Variants in WNT7A observed in about 807,000 individuals in gnomAD.
WNT7A encodes the protein protein Wnt-7a.
In WNT7A, 16 loss-of-function variants were observed where a neutral mutation model predicts 28.2. That is an observed-to-expected ratio of 0.57 (90% confidence interval 0.38 to 0.86). The LOEUF (loss-of-function observed/expected upper bound fraction) is 0.86, where lower values mean the gene tolerates loss of function less well. Ranked by LOEUF, WNT7A falls within the 40% of genes least tolerant of loss-of-function variation. The probability of loss-of-function intolerance (pLI) is 0.00; values close to 1 mark genes in which losing one functional copy is unlikely to be tolerated. For synonymous variants in WNT7A, 190 were observed against 195.9 expected, an observed-to-expected ratio of 0.97 and a Z score of 0.25; for missense variants, 411 against 489.7, an observed-to-expected ratio of 0.84 and a Z score of 1.52.
chr3:13,869,004 A>AAGAAAGAGAGAG (rs1367592280), intron 2 of WNT7A, among the ~76,000 whole-genome samples: 40 of 127,346 alleles, frequency 3.1e-4, no homozygotes, highest in Non-Finnish European at 5.9e-4. Context: ...GAAAGAGAGA[A>AAGAAAGAGAGAG]AGAAAGAGAG....
In WNT7A at chr3:13,819,411, T is replaced by A. The variant is rs377001613; in HGVS notation, c.583A>T (p.Asn195Tyr). ...NEAGRKILEE[N>Y]MKLECKCHGV... ...TGGCACTTACATTCCAGCTTCATGT[T>A]CTCCTCCAGGATCTGCAGGGGAGGG... The change falls in exon 4 of 4, where the codon AAC becomes TAC. Residue 195 changes from asparagine (N) to tyrosine (Y), a missense_variant. By Grantham distance (143) the Asn-to-Tyr change is moderately radical (BLOSUM62 -2). Transcript: ENST00000285018. 26 of 1,613,024 alleles carry A rather than the reference T, an allele frequency of 1.6e-5. No individual in the cohort carries two copies. Among genetic ancestry groups the A allele is most frequent in the Non-Finnish European group, 2.2e-5 (26 of 1,179,942 alleles).
intron 2 of WNT7A, among the ~76,000 whole-genome samples, chr3:13,869,482 GA>G: frequency 7.0e-6 from 1 of 142,560 alleles, no homozygotes; most frequent in South Asian, 2.3e-4. Context: ...AGGGAGGAGA[GA>G]GGGGAGGGAG....
intron 3 of WNT7A, among the ~76,000 whole-genome samples, chr3:13,831,966 G>A (rs560914103): frequency 6.6e-5 from 10 of 152,142 alleles, no homozygotes; most frequent in South Asian, 4.2e-4. Flanking sequence ...GGAGGTCAGC[G>A]GGCAGGCAGC....
At chr3:13,836,604 G>A (rs1202142118) in intron 3 of WNT7A, among the ~76,000 whole-genome samples, 4 of 152,210 alleles carry the variant, frequency 2.6e-5, no homozygotes, top group African/African-American at 7.2e-5. Flanking sequence ...TGCAGGGCCT[G>A]TGCTGGGTGC....
In WNT7A at chr3:13,880,000, G is replaced by A; in HGVS notation, c.-184C>T. 2.5e-6 allele frequency: 1 copy of A among 396,944 alleles called. No individual in the cohort carries two copies. Among genetic ancestry groups the A allele is most frequent in the South Asian group, 1.3e-4 (1 of 7,902 alleles). The allele number at this position is 396,944 out of a possible 1,614,324, so 24.6% of individuals were successfully genotyped here. A position where few individuals can be genotyped will look rare whatever the true frequency, so the allele number is the denominator to read the frequency against. The stretch of plus-strand genomic sequence containing the variant: ...GCCAGGAGCACGGGAGCCACGGAGC[G>A]GGAGGAGGGAGGGAGGAGCGAGCGC... On this transcript the variant is annotated 5_prime_UTR_variant, in exon 1 of 4. Transcript: ENST00000285018.
chr3:13,840,502 G>A (rs1694438642), intron 3 of WNT7A, among the ~76,000 whole-genome samples: 1 of 152,112 alleles, frequency 6.6e-6, no homozygotes, highest in Non-Finnish European at 1.5e-5. Flanking sequence ...CAGCTGATCT[G>A]GTGATCTCAC....
At chr3:13,838,154 G>T (rs562303595) in intron 3 of WNT7A, among the ~76,000 whole-genome samples, 4 of 103,992 alleles carry the variant, frequency 3.8e-5, no homozygotes, top group East Asian at 3.0e-4. Context: ...CAGAGCAGGT[G>T]GGGGGCATGG....
At chr3:13,825,910 T>C (rs2124830596) in intron 3 of WNT7A, among the ~76,000 whole-genome samples, 1 of 152,288 alleles carries the variant, frequency 6.6e-6, no homozygotes, top group South Asian at 2.1e-4. Context: ...GGAAACTCCA[T>C]CTCAGCCTCT....
At chr3:13,867,792 G>C (rs1249716109) in intron 2 of WNT7A, among the ~76,000 whole-genome samples, 1 of 152,232 alleles carries the variant, frequency 6.6e-6, no homozygotes, top group Non-Finnish European at 1.5e-5. Flanking sequence ...AAAGCATGAA[G>C]AGGTAACTCG....
At chr3:13,874,873 A>G (rs1575076415) in intron 2 of WNT7A, 74 bp downstream of exon 2, 6 of 1,489,268 alleles carry the variant, frequency 4.0e-6, no homozygotes, top group Non-Finnish European at 5.5e-6. Context: ...AGGGAGTTCC[A>G]GAGGGCACCT....
chr3:13,862,172 G>A (rs910881825), intron 2 of WNT7A, among the ~76,000 whole-genome samples: 6 of 152,206 alleles, frequency 3.9e-5, no homozygotes, highest in Non-Finnish European at 7.3e-5. Flanking sequence ...GTGGAATGAA[G>A]CCTCTATGGA....
At chr3:13,848,570 A>G (rs554824988) in intron 3 of WNT7A, among the ~76,000 whole-genome samples, 1 of 152,326 alleles carries the variant, frequency 6.6e-6, no homozygotes, top group East Asian at 1.9e-4. Flanking sequence ...AATTTTAAAA[A>G]CAGTGATGTC....
At chr3:13,879,585 G>T (rs1301976603) in intron 1 of WNT7A, among the ~76,000 whole-genome samples, 161 bp downstream of exon 1, 1 of 152,098 alleles carries the variant, frequency 6.6e-6, no homozygotes, top group East Asian at 1.9e-4. Context: ...GGTGTCCTGC[G>T]GGGGGCCTTT....
intron 3 of WNT7A, among the ~76,000 whole-genome samples, chr3:13,850,684 C>T (rs901130575): frequency 3.3e-5 from 5 of 152,186 alleles, no homozygotes; most frequent in African/African-American, 1.2e-4. Flanking sequence ...AGCCTCCACC[C>T]TCCCCCAGGC....
intron 2 of WNT7A, among the ~76,000 whole-genome samples, chr3:13,856,814 TGAAGAA>T (rs756795058): frequency 2.9e-5 from 4 of 140,074 alleles, no homozygotes; most frequent in African/African-American, 8.0e-5. Context: ...CGAAACTCCA[TGAAGAA>T]GAAGAAGATG....
At chr3:13,860,206 A>C (rs1262578499) in intron 2 of WNT7A, among the ~76,000 whole-genome samples, 2 of 152,038 alleles carry the variant, frequency 1.3e-5, no homozygotes, top group Non-Finnish European at 2.9e-5. Context: ...TTTACAGTTG[A>C]GGAAATGGAG....
chr3:13,874,948 C>T lies in WNT7A; in HGVS notation c.297G>A (p.Val99=). 1 of 1,613,932 alleles carries T rather than the reference C, an allele frequency of 6.2e-7. No individual in the cohort carries two copies. Among genetic ancestry groups the T allele is most frequent in the East Asian group, 2.2e-5 (1 of 44,882 alleles). Reference sequence around the variant, plus strand: ...GGGGGTGTTTGGGTGAGCACATACCCACTTTGAGCTCCTTCCCGAAGACGG... The same window carrying T: ...GGGGGTGTTTGGGTGAGCACATACCTACTTTGAGCTCCTTCCCGAAGACGG... ...ERTVFGKELK[V]GSREAAFTYA... Residue 99 remains valine, a splice_region_variant and synonymous_variant, in exon 2 of 4, where the codon GTG becomes GTA. Transcript: ENST00000285018.
intron 2 of WNT7A, among the ~76,000 whole-genome samples, chr3:13,857,080 G>A (rs994555611): frequency 6.6e-6 from 1 of 152,182 alleles, no homozygotes; most frequent in African/African-American, 2.4e-5. Flanking sequence ...GGGGAGCCAT[G>A]GGGCACAGGA....
intron 2 of WNT7A, among the ~76,000 whole-genome samples, chr3:13,858,620 G>C (rs141808701): frequency 0.011 from 1,669 of 152,222 alleles, 33 homozygotes; most frequent in African/African-American, 0.037. Flanking sequence ...CCAGAGTGAG[G>C]TCTCATCAAG....
Sources: gnomAD v4.1 joint callset for allele counts (sites outside exome capture counted in the v4.1 genomes callset) on GRCh38, gnomAD v4.1.1 for gene constraint, MANE v1.5 for transcripts, NCBI Gene and HGNC (gene_info 2026-07-23, HGNC 2026-07-21) for gene names.